Variants in PDE8B observed in about 807,000 individuals in gnomAD.
PDE8B encodes high affinity cAMP-specific and IBMX-insensitive 3',5'-cyclic phosphodiesterase 8B.
A neutral mutation model predicts 101.3 loss-of-function variants in PDE8B; 26 were observed. The observed-to-expected ratio is 0.26, with a 90% confidence interval of 0.19 to 0.36. The LOEUF (loss-of-function observed/expected upper bound fraction) is 0.36. PDE8B is among the 10% of genes least tolerant of loss of function. PDE8B has a pLI of 1.00. For synonymous variants in PDE8B, 424 were observed against 429.3 expected (o/e 0.99, Z 0.15); for missense variants, 810 against 1,163.1 (o/e 0.70, Z 4.42).
intron 9 of PDE8B, 55 bp downstream of exon 9, chr5:77,351,208 T>G: frequency 9.4e-6 from 12 of 1,273,498 alleles, no homozygotes; most frequent in Non-Finnish European, 1.4e-5. Flanking sequence ...AAGGCCCTCA[T>G]GGGCATTGGG....
intron 10 of PDE8B, among the ~76,000 whole-genome samples, chr5:77,380,771 T>C (rs895474642): frequency 5.9e-5 from 9 of 152,216 alleles, no homozygotes; most frequent in African/African-American, 1.9e-4. Flanking sequence ...TACTGATTTA[T>C]GAACTGTTAT....
chr5:77,152,764 C>G, the PDE8B span, among the ~76,000 whole-genome samples: 2 of 152,140 alleles, frequency 1.3e-5, no homozygotes, highest in African/African-American at 4.8e-5. Context: ...CAACCCTGCC[C>G]TCGCCCTCAC....
chr5:77,150,817 A>G, the PDE8B span, among the ~76,000 whole-genome samples: 2 of 152,050 alleles, frequency 1.3e-5, no homozygotes, highest in Admixed American at 6.5e-5. Context: ...AACTACCCTT[A>G]TTTTTCAAAT....
At chr5:77,251,152 C>T (rs756151363) in intron 1 of PDE8B, among the ~76,000 whole-genome samples, 2 of 152,186 alleles carry the variant, frequency 1.3e-5, no homozygotes, top group African/African-American at 2.4e-5. Flanking sequence ...GTGCTTCAGT[C>T]TCTATCTGTA....
At chr5:77,419,085 T>A (rs1353932775) in intron 18 of PDE8B, among the ~76,000 whole-genome samples, 1 of 152,200 alleles carries the variant, frequency 6.6e-6, no homozygotes, top group African/African-American at 2.4e-5. Context: ...TCCAGAAAAC[T>A]GGGAAAACAT....
At chr5:77,215,247 A>G (rs1749419363) in intron 1 of PDE8B, among the ~76,000 whole-genome samples, 1 of 152,236 alleles carries the variant, frequency 6.6e-6, no homozygotes, top group Admixed American at 6.5e-5. Context: ...GTCTAAAGCA[A>G]GGCTGGATGT....
chr5:77,250,312 C>G (rs1757816102), intron 1 of PDE8B, among the ~76,000 whole-genome samples: 1 of 152,186 alleles, frequency 6.6e-6, no homozygotes, highest in African/African-American at 2.4e-5. Flanking sequence ...GAAACAAGAT[C>G]AGATGACTCA....
At chr5:77,366,872 A>G (rs947177515) in intron 10 of PDE8B, among the ~76,000 whole-genome samples, 2 of 152,110 alleles carry the variant, frequency 1.3e-5, no homozygotes, top group African/African-American at 2.4e-5. Flanking sequence ...CCTGGATGGC[A>G]GCCCCCCGGT....
chr5:77,150,748 T>C, the PDE8B span, among the ~76,000 whole-genome samples: 1 of 152,208 alleles, frequency 6.6e-6, no homozygotes, highest in African/African-American at 2.4e-5. Flanking sequence ...TTCCAGGTTA[T>C]ATACTAGCTA....
At chr5:77,365,905 G>T (rs1260050601) in intron 10 of PDE8B, among the ~76,000 whole-genome samples, 1 of 152,186 alleles carries the variant, frequency 6.6e-6, no homozygotes, top group Non-Finnish European at 1.5e-5. Flanking sequence ...CCTCTTCCTG[G>T]AACTGGCTTC....
the PDE8B span, among the ~76,000 whole-genome samples, chr5:77,182,504 C>T: frequency 2.0e-5 from 3 of 152,196 alleles, no homozygotes; most frequent in Middle Eastern, 3.4e-3. Context: ...CCACAACCTC[C>T]CTGTTACAGG....
chr5:77,320,815 A>G (rs1168304041), intron 2 of PDE8B, among the ~76,000 whole-genome samples: 1 of 152,214 alleles, frequency 6.6e-6, no homozygotes, highest in Non-Finnish European at 1.5e-5. Flanking sequence ...TGAGTTAATC[A>G]TTTATTGACC....
chr5:77,367,530 CTTTTTTTTTTTTTT>C (rs3031815), intron 10 of PDE8B, among the ~76,000 whole-genome samples: 2 of 109,496 alleles, frequency 1.8e-5, no homozygotes, highest in Non-Finnish European at 3.9e-5. Flanking sequence ...CTTTTTCTCT[CTTTTTTTTTTTTTT>C]TTTTTTTGAC....
intron 4 of PDE8B, among the ~76,000 whole-genome samples, chr5:77,329,615 C>T (rs775596261): frequency 6.6e-6 from 1 of 152,090 alleles, no homozygotes; most frequent in African/African-American, 2.4e-5. Context: ...GTAGGATGAG[C>T]GCTTGCTCTG....
intron 2 of PDE8B, among the ~76,000 whole-genome samples, chr5:77,314,511 C>T (rs1405097991): frequency 2.6e-5 from 4 of 152,038 alleles, no homozygotes; most frequent in African/African-American, 7.2e-5. Context: ...TTTTGTTTTC[C>T]AGTCTATGAC....
At chr5:77,404,319 T>C (rs562166654) in intron 11 of PDE8B, among the ~76,000 whole-genome samples, 79 of 151,908 alleles carry the variant, frequency 5.2e-4, no homozygotes, top group Admixed American at 5.2e-3. Context: ...GAGACAGGGT[T>C]TCTCCATGTT....
intron 10 of PDE8B, among the ~76,000 whole-genome samples, chr5:77,385,800 T>TTG (rs905142095): frequency 1.4e-4 from 20 of 147,460 alleles, no homozygotes; most frequent in African/African-American, 4.5e-4. Context: ...GTGAGGTTTT[T>TTG]TTTTTTTTTT....
At chr5:77,095,183 G>T in the PDE8B span, among the ~76,000 whole-genome samples, 1 of 151,930 alleles carries the variant, frequency 6.6e-6, no homozygotes, top group South Asian at 2.1e-4. Context: ...TTTTGCTAAA[G>T]CTTTGGTTAA....
At chr5:77,095,392 C>T in the PDE8B span, among the ~76,000 whole-genome samples, 1 of 152,226 alleles carries the variant, frequency 6.6e-6, no homozygotes, top group Non-Finnish European at 1.5e-5. Flanking sequence ...CAGGATCATC[C>T]TGGTAAAGCC....
Sources: gnomAD v4.1 joint callset for allele counts (sites outside exome capture counted in the v4.1 genomes callset) on GRCh38, gnomAD v4.1.1 for gene constraint, MANE v1.5 for transcripts, NCBI Gene and HGNC (gene_info 2026-07-23, HGNC 2026-07-21) for gene names.